The following ATP7A variants were observed in gnomAD, a reference collection of about 807,000 sequenced individuals.
The protein encoded by ATP7A is ATPase copper transporting alpha.
A neutral mutation model predicts 83.5 loss-of-function variants in ATP7A; 7 were observed. That is an observed-to-expected ratio of 0.08 (90% CI 0.05 to 0.16). The LOEUF is 0.16. ATP7A is among the 10% of genes least tolerant of loss of function. The probability of loss-of-function intolerance (pLI) is 1.00; values close to 1 mark genes in which losing one functional copy is unlikely to be tolerated. For synonymous variants in ATP7A, 354 were observed against 395.2 expected (o/e 0.90, Z 1.24); for missense variants, 940 against 1,120.8 (o/e 0.84, Z 2.30).
chrX:77,989,073 C>G (rs1305619744), intron 3 of ATP7A, among the ~76,000 whole-genome samples, 160 bp from the exon 4 acceptor site: 2 of 110,605 alleles, frequency 1.8e-5, no homozygotes, highest in Non-Finnish European at 3.8e-5. Flanking sequence ...TGTTTCTAGT[C>G]TATGCCAATA....
chrX:78,005,639 C>T (rs1408006228), intron 6 of ATP7A, among the ~76,000 whole-genome samples: 3 of 92,819 alleles, frequency 3.2e-5, no homozygotes, highest in African/African-American at 4.1e-5. Context: ...GCCAAGATCA[C>T]GCCATTGCAC....
chrX:77,947,882 G>A (rs1303549206), intron 1 of ATP7A, among the ~76,000 whole-genome samples: 1 of 105,805 alleles, frequency 9.5e-6, no homozygotes, highest in Non-Finnish European at 1.9e-5. Flanking sequence ...TGGGATTACA[G>A]GTGTGTGCCA....
chrX:78,012,956 T>C lies in ATP7A; in HGVS notation c.2250T>C (p.Ile750=). 8.3e-7 allele frequency: 1 copy of C among 1,211,720 alleles called. No individual in the cohort carries two copies. Among genetic ancestry groups the C allele is most frequent in the Non-Finnish European group, 1.1e-6 (1 of 895,391 alleles). Residue 750 remains isoleucine, a synonymous_variant, in exon 10 of 23, where the codon ATT becomes ATC. Coordinates refer to ENST00000341514, the MANE Select transcript of ATP7A (RefSeq NM_000052.7). The stretch of plus-strand genomic sequence containing the variant: ...AGACAGCAAATATGGACGTACTGAT[T>C]GTGCTGGCAACCACCATTGCATTTG... The part of the protein sequence containing the change: ...KHKTANMDVL[I]VLATTIAFAY...
intron 15 of ATP7A, 99 bp from the exon 16 acceptor site, chrX:78,031,301 A>C (rs2077982387): frequency 1.2e-6 from 1 of 855,261 alleles, no homozygotes; most frequent in Non-Finnish European, 1.7e-6. Context: ...TTTACTAAGA[A>C]ACTAAATAGT....
At chrX:78,010,590 T>C (rs1194266956) in intron 7 of ATP7A, among the ~76,000 whole-genome samples, 3 of 87,696 alleles carry the variant, frequency 3.4e-5, no homozygotes, top group Non-Finnish European at 6.8e-5. Flanking sequence ...TTTTTTTTTT[T>C]TTTTTTGGAG....
chrX:78,013,257 T>C, intron 10 of ATP7A, 145 bp downstream of exon 10: 1 of 560,593 alleles, frequency 1.8e-6, no homozygotes, highest in Non-Finnish European at 2.9e-6. Flanking sequence ...ATATTTTAAG[T>C]TAAATATCAG....
intron 1 of ATP7A, chrX:77,969,541 G>T: frequency 8.3e-7 from 1 of 1,211,396 alleles, no homozygotes; most frequent in Non-Finnish European, 1.1e-6. Context: ...CTCGTGGCCC[G>T]CCGGGCTCAG....
chrX:77,911,559 ATTTTT>A (rs76893610), intron 1 of ATP7A, among the ~76,000 whole-genome samples: 2 of 82,119 alleles, frequency 2.4e-5, no homozygotes, highest in African/African-American at 9.1e-5. Context: ...GAGGTTATTA[ATTTTT>A]TTTTTTTTTT....
chrX:77,990,955 T>C (rs2077665891), intron 4 of ATP7A, among the ~76,000 whole-genome samples: 1 of 112,248 alleles, frequency 8.9e-6, no homozygotes, highest in Non-Finnish European at 1.9e-5. Flanking sequence ...GGTAGATTAA[T>C]GTCAGTGAGA....
chrX:77,973,850 A>C (rs74605876), intron 2 of ATP7A, among the ~76,000 whole-genome samples: 2,083 of 111,987 alleles, frequency 0.019, 119 homozygotes, highest in Admixed American at 0.14. Context: ...TGCACATAGT[A>C]TATGTCTATT....
At chrX:77,951,882 A>G (rs1557226835) in intron 1 of ATP7A, among the ~76,000 whole-genome samples, 1 of 112,144 alleles carries the variant, frequency 8.9e-6, no homozygotes, top group African/African-American at 3.2e-5. Flanking sequence ...TGCCTGGCCA[A>G]TACTTTTTTT....
intron 2 of ATP7A, chrX:77,974,919 G>A (rs2077568390): frequency 3.8e-6 from 1 of 264,268 alleles, no homozygotes; most frequent in Admixed American, 6.5e-5. Flanking sequence ...GGGTACATGT[G>A]CACATTGTGC....
At chrX:77,912,978 G>A (rs2077168577) in intron 1 of ATP7A, among the ~76,000 whole-genome samples, 1 of 111,955 alleles carries the variant, frequency 8.9e-6, no homozygotes, top group Admixed American at 9.5e-5. Flanking sequence ...TTTGAAAAAT[G>A]CTTGCAGAAG....
In ATP7A at chrX:78,012,894, T is replaced by C; in HGVS notation, c.2188T>C (p.Tyr730His). 1 of 1,210,956 alleles carries C rather than the reference T, an allele frequency of 8.3e-7. No homozygotes were observed. Among genetic ancestry groups the C allele is most frequent in the South Asian group, 1.8e-5 (1 of 57,012 alleles). ...TATATTGCAGTTTTTCGGAGGCTGG[T>C]ACTTCTACATTCAGGCTTATAAAGC... The part of the protein sequence containing the change: ...CVPVQFFGGW[Y>H]FYIQAYKALK... Residue 730 changes from tyrosine to histidine, a missense_variant, in exon 10 of 23, where the codon TAC becomes CAC. By Grantham distance (83) the Tyr-to-His change is moderately conservative. Coordinates refer to ENST00000341514, the MANE Select transcript of ATP7A (RefSeq NM_000052.7).
intron 21 of ATP7A, among the ~76,000 whole-genome samples, 160 bp downstream of exon 21, chrX:78,043,594 G>C (rs1437505552): frequency 9.2e-6 from 1 of 109,111 alleles, no homozygotes; most frequent in African/African-American, 3.3e-5. Flanking sequence ...TTAATTTTCA[G>C]TAATGTTTGT....
chrX:78,010,654 A>G (rs1227262333), intron 7 of ATP7A, among the ~76,000 whole-genome samples: 2 of 89,533 alleles, frequency 2.2e-5, no homozygotes, highest in Non-Finnish European at 4.1e-5. Context: ...ATCTCAGCTC[A>G]CTGCAACCTC....
intron 1 of ATP7A, chrX:77,964,015 A>C (rs2077489916): frequency 8.9e-6 from 1 of 112,139 alleles, no homozygotes; most frequent in African/African-American, 3.2e-5. Context: ...CGGTATTTTT[A>C]TATGTTTGAT....
intron 1 of ATP7A, chrX:77,962,822 A>G (rs782328039): frequency 2.6e-6 from 1 of 387,139 alleles, no homozygotes; most frequent in Non-Finnish European, 5.2e-6. Flanking sequence ...AATGTACGGA[A>G]AATGCACGTT....
At chrX:77,995,615 C>A (rs2077698920) in intron 4 of ATP7A, among the ~76,000 whole-genome samples, 1 of 107,951 alleles carries the variant, frequency 9.3e-6, no homozygotes, top group African/African-American at 3.4e-5. Context: ...TGGGAGATGC[C>A]TTTTATCCTG....
Sources: gnomAD v4.1 joint callset for allele counts (sites outside exome capture counted in the v4.1 genomes callset) on GRCh38, gnomAD v4.1.1 for gene constraint, MANE v1.5 for transcripts, NCBI Gene and HGNC (gene_info 2026-07-23, HGNC 2026-07-21) for gene names.